Variants in NWD2 observed in about 807,000 individuals in gnomAD.
NWD2 encodes NACHT and WD repeat domain-containing protein 2.
In NWD2, 37 loss-of-function variants were observed where a neutral mutation model predicts 132.7. The observed-to-expected ratio is 0.28, with a 90% CI of 0.21 to 0.37. The LOEUF is 0.37. Among genes scored for constraint, NWD2 ranks in the 10% least tolerant of loss-of-function variants. NWD2 has a pLI of 1.00. For synonymous variants in NWD2, 705 were observed against 803.0 expected (o/e 0.88, Z 2.06); for missense variants, 1,592 against 2,122.4 (o/e 0.75, Z 4.91).
At chr4:37,389,214 G>T (rs754658639) in intron 3 of NWD2, among the ~76,000 whole-genome samples, 6 of 152,252 alleles carry the variant, frequency 3.9e-5, no homozygotes, top group South Asian at 2.1e-4. Context: ...GGCCCCAGGG[G>T]CCTCTCGTCA....
intron 2 of NWD2, among the ~76,000 whole-genome samples, chr4:37,327,238 T>C (rs1000646738): frequency 1.3e-5 from 2 of 152,154 alleles, no homozygotes; most frequent in Non-Finnish European, 2.9e-5. Flanking sequence ...TGTTTTTGCA[T>C]CATTTTTGTC....
At chr4:37,418,250 T>C (rs556685350) in intron 3 of NWD2, among the ~76,000 whole-genome samples, 58 of 152,232 alleles carry the variant, frequency 3.8e-4, no homozygotes, top group African/African-American at 1.3e-3. Flanking sequence ...AATAAAGTAG[T>C]ATTGGATTAT....
chr4:37,414,108 C>G (rs911261769), intron 3 of NWD2, among the ~76,000 whole-genome samples: 1 of 151,376 alleles, frequency 6.6e-6, no homozygotes, highest in Non-Finnish European at 1.5e-5. Flanking sequence ...TATCCTAGAA[C>G]ATAAAGTATA....
chr4:37,427,434 G>C (rs1712036716), intron 3 of NWD2, among the ~76,000 whole-genome samples: 1 of 152,202 alleles, frequency 6.6e-6, no homozygotes, highest in South Asian at 2.1e-4. Context: ...TTTTGGAAGA[G>C]GGAACCATTA....
chr4:37,303,398 C>G (rs1466812054), intron 1 of NWD2, among the ~76,000 whole-genome samples: 3 of 152,142 alleles, frequency 2.0e-5, no homozygotes, highest in Non-Finnish European at 4.4e-5. Flanking sequence ...ATGCGTCCAG[C>G]TTTCCTCTTT....
At chr4:37,425,589 G>A (rs1711977017) in intron 3 of NWD2, among the ~76,000 whole-genome samples, 1 of 152,152 alleles carries the variant, frequency 6.6e-6, no homozygotes, top group Admixed American at 6.5e-5. Context: ...TCAGTCATAT[G>A]CATTTCTTCT....
intron 1 of NWD2, among the ~76,000 whole-genome samples, chr4:37,289,641 A>G (rs1718317749): frequency 6.6e-6 from 1 of 152,128 alleles, no homozygotes. Flanking sequence ...GGTTCTCTTC[A>G]TTTGTCTTTT....
At chr4:37,269,251 AG>A (rs1187371986) in intron 1 of NWD2, among the ~76,000 whole-genome samples, 6 of 151,936 alleles carry the variant, frequency 3.9e-5, no homozygotes, top group African/African-American at 1.4e-4. Flanking sequence ...GGCTTGATTC[AG>A]GACATCCAGA....
chr4:37,354,742 G>T (rs933282492), intron 2 of NWD2, among the ~76,000 whole-genome samples: 1 of 152,154 alleles, frequency 6.6e-6, no homozygotes, highest in Non-Finnish European at 1.5e-5. Flanking sequence ...AGATGGAAAA[G>T]TTCATCTTTT....
chr4:37,349,149 G>C (rs1289338759), intron 2 of NWD2, among the ~76,000 whole-genome samples: 1 of 152,100 alleles, frequency 6.6e-6, no homozygotes, highest in Non-Finnish European at 1.5e-5. Flanking sequence ...ACATATGTGT[G>C]CATGTGTTTT....
rs182859805 is a variant in NWD2 at position 37,435,850 on chromosome 4, T to C, written c.706+1830T>C. 2.7e-4 allele frequency among the ~76,000 whole-genome samples: 41 copies of C among 152,286 alleles called. No homozygotes were observed. The East Asian group carries it at 7.7e-3, about 29-fold the overall frequency. ...TACATGCTCATGACAATTTTACTTA[T>C]TTTACGTTCAAACTCCTTTTAAGAT... On this transcript the variant is annotated intron_variant, in intron 5 of 6. Transcript: ENST00000309447.
intron 1 of NWD2, among the ~76,000 whole-genome samples, chr4:37,283,467 G>A (rs1405252345): frequency 2.6e-5 from 4 of 151,886 alleles, no homozygotes; most frequent in Non-Finnish European, 5.9e-5. Flanking sequence ...TAATTATAGG[G>A]GTCAATGTTT....
intron 3 of NWD2, among the ~76,000 whole-genome samples, chr4:37,390,105 T>G (rs1720650583): frequency 6.6e-6 from 1 of 152,196 alleles, no homozygotes; most frequent in African/African-American, 2.4e-5. Flanking sequence ...ATAAGCATTT[T>G]GTTTTAGTTT....
At chr4:37,252,335 T>G in intron 1 of NWD2, among the ~76,000 whole-genome samples, 1 of 152,224 alleles carries the variant, frequency 6.6e-6, no homozygotes, top group East Asian at 1.9e-4. Flanking sequence ...GTAAACTATA[T>G]ACATGACTTT....
chr4:37,256,263 G>C (rs1717516816), intron 1 of NWD2, among the ~76,000 whole-genome samples: 1 of 152,142 alleles, frequency 6.6e-6, no homozygotes, highest in Non-Finnish European at 1.5e-5. Context: ...CCAAGAGAAG[G>C]CTTTTGTTTT....
At chr4:37,422,499 A>AT (rs1711846489) in intron 3 of NWD2, among the ~76,000 whole-genome samples, 1 of 151,888 alleles carries the variant, frequency 6.6e-6, no homozygotes, top group Non-Finnish European at 1.5e-5. Context: ...TCTAGCCTCT[A>AT]TTTGTCTTTC....
At chr4:37,285,354 C>G (rs549000033) in intron 1 of NWD2, among the ~76,000 whole-genome samples, 1 of 152,050 alleles carries the variant, frequency 6.6e-6, no homozygotes, top group African/African-American at 2.4e-5. Context: ...GAAAACACTG[C>G]GGCTGCCAAA....
At chr4:37,402,563 A>T (rs1026516374) in intron 3 of NWD2, among the ~76,000 whole-genome samples, 8 of 152,224 alleles carry the variant, frequency 5.3e-5, no homozygotes, top group African/African-American at 1.9e-4. Flanking sequence ...TATTATTTAA[A>T]TGCAATGTAC....
intron 1 of NWD2, among the ~76,000 whole-genome samples, chr4:37,249,284 A>G (rs921215336): frequency 5.9e-5 from 9 of 152,304 alleles, no homozygotes; most frequent in Admixed American, 4.6e-4. Context: ...TACCAGATGG[A>G]TTGGGGAAAA....
Sources: allele counts gnomAD v4.1 joint callset (sites outside exome capture counted in the v4.1 genomes callset), GRCh38; gene constraint gnomAD v4.1.1; transcripts MANE v1.5; gene names NCBI Gene and HGNC (gene_info 2026-07-23, HGNC 2026-07-21).